The following SERPINI1 variants were observed in gnomAD, a reference collection of about 807,000 sequenced individuals.
SERPINI1 encodes serpin family I member 1, also known as neuroserpin.
Under a neutral mutation model 41.1 loss-of-function variants are expected in SERPINI1, and 19 were observed. The observed-to-expected ratio is 0.46, with a 90% CI of 0.32 to 0.68. The LOEUF (loss-of-function observed/expected upper bound fraction) is 0.68, where lower values mean the gene tolerates loss of function less well. SERPINI1 is among the 30% of genes least tolerant of loss of function. The pLI is 0.03. For synonymous variants in SERPINI1, 138 were observed against 156.6 expected, an observed-to-expected ratio of 0.88 and a Z score of 0.89; for missense variants, 460 against 479.2, an observed-to-expected ratio of 0.96 and a Z score of 0.37.
At chr3:167,760,561 TTGTG>T (rs57003321) in intron 1 of SERPINI1, among the ~76,000 whole-genome samples, 43,419 of 139,982 alleles carry the variant, frequency 0.31, 7,465 homozygotes, top group South Asian at 0.49. Context: ...TGGCTCCAAA[TTGTG>T]TGTGTGTGTG....
intron 1 of SERPINI1, among the ~76,000 whole-genome samples, chr3:167,779,558 T>G (rs1211619927): frequency 6.6e-6 from 1 of 152,212 alleles, no homozygotes; most frequent in African/African-American, 2.4e-5. Flanking sequence ...CAAAGAAAAC[T>G]TCAAAACCCA....
At chr3:167,742,163 A>G (rs1336374026) in intron 1 of SERPINI1, among the ~76,000 whole-genome samples, 1 of 152,278 alleles carries the variant, frequency 6.6e-6, no homozygotes, top group South Asian at 2.1e-4. Flanking sequence ...GATTTAATTA[A>G]TAATTAGTAA....
chr3:167,822,920 A>C, intron 6 of SERPINI1, 66 bp from the exon 7 acceptor site: 1 of 902,180 alleles, frequency 1.1e-6, no homozygotes, highest in Admixed American at 1.7e-5. Flanking sequence ...AATCCATTTA[A>C]CAAAAGGGCA....
chr3:167,771,846 T>C (rs575010100), intron 1 of SERPINI1, among the ~76,000 whole-genome samples: 125 of 150,194 alleles, frequency 8.3e-4, no homozygotes, highest in African/African-American at 2.2e-3. Context: ...TGTGTGTGTG[T>C]GCGCGCACGC....
chr3:167,759,400 G>GCATATATATATATATATATATA (rs1553771738), intron 1 of SERPINI1, among the ~76,000 whole-genome samples: 41 of 121,160 alleles, frequency 3.4e-4, no homozygotes, highest in African/African-American at 9.4e-4. Context: ...AGAAAATGTG[G>GCATATATATATATATATATATA]TATATATATA....
chr3:167,814,871 G>A (rs1712018869), intron 6 of SERPINI1, among the ~76,000 whole-genome samples: 1 of 152,138 alleles, frequency 6.6e-6, no homozygotes, highest in African/African-American at 2.4e-5. Context: ...AGGAAAGTAG[G>A]ACCAGTCATT....
rs886058169 is a variant in SERPINI1, at chr3:167,807,321, C to G, written c.959C>G (p.Ala320Gly). 1.9e-6 allele frequency: 3 copies of G among 1,607,008 alleles called. No individual in the cohort carries two copies. Among genetic ancestry groups the G allele is most frequent in the South Asian group, 1.1e-5 (1 of 90,858 alleles). Reference sequence around the variant, plus strand: ...ATAACTGAAATTTTCATCAAAGATGCAAATTTGACAGGCCTCTCTGGTAAG... The same window carrying G: ...ATAACTGAAATTTTCATCAAAGATGGAAATTTGACAGGCCTCTCTGGTAAG... ...LGITEIFIKD[A>G]NLTGLSDNKE... Residue 320 changes from alanine to glycine, a missense_variant, in exon 6 of 9, where the codon GCA (alanine) becomes GGA (glycine). Transcript: ENST00000446050.
chr3:167,804,187 G>A (rs1437551750), intron 5 of SERPINI1, among the ~76,000 whole-genome samples: 1 of 152,084 alleles, frequency 6.6e-6, no homozygotes, highest in African/African-American at 2.4e-5. Flanking sequence ...GCAAAATTTA[G>A]ATAAAATTTA....
At chr3:167,798,130 C>T (rs1273941629) in intron 5 of SERPINI1, among the ~76,000 whole-genome samples, 1 of 152,044 alleles carries the variant, frequency 6.6e-6, no homozygotes. Context: ...CTAATTCAAC[C>T]ATATTCACTA....
chr3:167,798,306 A>G (rs1381144461), intron 5 of SERPINI1, among the ~76,000 whole-genome samples: 2 of 152,118 alleles, frequency 1.3e-5, no homozygotes, highest in African/African-American at 2.4e-5. Context: ...TCATGTATCA[A>G]TTTTTCCAGA....
chr3:167,786,533 A>G (rs1474950445), intron 1 of SERPINI1, among the ~76,000 whole-genome samples: 1 of 138,740 alleles, frequency 7.2e-6, no homozygotes, highest in African/African-American at 2.8e-5. Flanking sequence ...AAAAAGACTT[A>G]AAGAAGATAA....
intron 5 of SERPINI1, among the ~76,000 whole-genome samples, chr3:167,801,159 T>A (rs1170277157): frequency 6.6e-6 from 1 of 152,232 alleles, no homozygotes; most frequent in Non-Finnish European, 1.5e-5. Context: ...ATTAGATTTT[T>A]CTACAAAGGG....
At chr3:167,784,155 T>A (rs1399474467) in intron 1 of SERPINI1, among the ~76,000 whole-genome samples, 1 of 152,212 alleles carries the variant, frequency 6.6e-6, no homozygotes, top group East Asian at 1.9e-4. Context: ...TCTGACCATC[T>A]GTAACCTCTG....
intron 1 of SERPINI1, among the ~76,000 whole-genome samples, chr3:167,750,746 G>C (rs910379125): frequency 1.3e-5 from 2 of 152,030 alleles, no homozygotes; most frequent in African/African-American, 4.8e-5. Flanking sequence ...GTTATTTCAG[G>C]TATCACCACA....
intron 1 of SERPINI1, among the ~76,000 whole-genome samples, chr3:167,765,857 A>G (rs1345934043): frequency 1.3e-5 from 2 of 152,182 alleles, no homozygotes; most frequent in Non-Finnish European, 2.9e-5. Context: ...ACAGATCTCT[A>G]GGGCAGGGGC....
intron 1 of SERPINI1, among the ~76,000 whole-genome samples, chr3:167,754,063 T>C (rs1726125131): frequency 6.6e-6 from 1 of 152,226 alleles, no homozygotes; most frequent in African/African-American, 2.4e-5. Flanking sequence ...AAGGGAAATA[T>C]TTATACTCCC....
chr3:167,791,509 A>C (rs566901921), intron 3 of SERPINI1, among the ~76,000 whole-genome samples: 130 of 152,346 alleles, frequency 8.5e-4, no homozygotes, highest in African/African-American at 3.1e-3. Flanking sequence ...GATGACAATA[A>C]AAGAAACTTA....
At chr3:167,815,889 C>T (rs902401190) in intron 6 of SERPINI1, among the ~76,000 whole-genome samples, 27 of 146,070 alleles carry the variant, frequency 1.8e-4, no homozygotes, top group African/African-American at 6.2e-4. Context: ...TCTGCTGGAT[C>T]CCATTCTCCT....
intron 5 of SERPINI1, among the ~76,000 whole-genome samples, chr3:167,796,550 C>G (rs1334123725): frequency 6.6e-6 from 1 of 152,012 alleles, no homozygotes; most frequent in Non-Finnish European, 1.5e-5. Context: ...TTGTTCCCCT[C>G]CCTGTGTCCA....
Sources: allele counts gnomAD v4.1 joint callset (sites outside exome capture counted in the v4.1 genomes callset), GRCh38; gene constraint gnomAD v4.1.1; transcripts MANE v1.5; gene names NCBI Gene and HGNC (gene_info 2026-07-23, HGNC 2026-07-21).